The following DNAJC5B variants were observed in gnomAD, a reference collection of about 807,000 sequenced individuals.
DNAJC5B encodes DnaJ heat shock protein family (Hsp40) member C5 beta.
In DNAJC5B, 23 loss-of-function variants were observed where a neutral mutation model predicts 24.7. The observed-to-expected ratio is 0.93, with a 90% CI of 0.67 to 1.32. The LOEUF is 1.32. Among genes scored for constraint, DNAJC5B ranks in the 40% most tolerant of loss-of-function variants. The pLI, the probability that DNAJC5B is intolerant of heterozygous loss-of-function variation, is 0.00. For synonymous variants in DNAJC5B, 101 were observed against 90.1 expected (o/e 1.12, Z -0.68); for missense variants, 238 against 240.8 (o/e 0.99, Z 0.08).
chr8:66,059,354 C>G (rs1388171910), intron 3 of DNAJC5B, among the ~76,000 whole-genome samples: 4 of 152,184 alleles, frequency 2.6e-5, no homozygotes, highest in Non-Finnish European at 5.9e-5. Context: ...TTCAGATAGG[C>G]CTAGAAGAAG....
At chr8:66,063,702 A>G (rs1807131740) in intron 3 of DNAJC5B, among the ~76,000 whole-genome samples, 1 of 152,078 alleles carries the variant, frequency 6.6e-6, no homozygotes, top group Non-Finnish European at 1.5e-5. Context: ...TAACTTTTTC[A>G]CTCACTCATT....
chr8:66,026,936 T>C (rs888651255), intron 1 of DNAJC5B, among the ~76,000 whole-genome samples: 24 of 152,252 alleles, frequency 1.6e-4, no homozygotes, highest in African/African-American at 5.3e-4. Context: ...CTTTAATTTT[T>C]ATTGTATTTG....
chr8:66,053,631 C>CTT (rs1349312911), intron 3 of DNAJC5B, among the ~76,000 whole-genome samples: 16 of 141,140 alleles, frequency 1.1e-4, no homozygotes, highest in South Asian at 2.3e-4. Context: ...CTTCAACTAC[C>CTT]TTTTTTTTTT....
intron 3 of DNAJC5B, among the ~76,000 whole-genome samples, chr8:66,053,969 GA>G (rs1359280955): frequency 6.8e-6 from 1 of 146,696 alleles, no homozygotes; most frequent in Non-Finnish European, 1.5e-5. Context: ...GTCTTATCAT[GA>G]AAATATCTTG....
chr8:66,086,711 C>A (rs1487564644), intron 5 of DNAJC5B, among the ~76,000 whole-genome samples: 1 of 152,046 alleles, frequency 6.6e-6, no homozygotes, highest in African/African-American at 2.4e-5. Flanking sequence ...ATATTAATTA[C>A]CCATCTAAAT....
At chr8:66,074,623 A>G (rs1807421369) in intron 3 of DNAJC5B, among the ~76,000 whole-genome samples, 1 of 152,220 alleles carries the variant, frequency 6.6e-6, no homozygotes, top group Admixed American at 6.5e-5. Context: ...TGTAGAAATG[A>G]CAACAAATGC....
intron 3 of DNAJC5B, among the ~76,000 whole-genome samples, chr8:66,053,757 G>C (rs563536194): frequency 7.2e-5 from 11 of 152,070 alleles, no homozygotes; most frequent in Middle Eastern, 3.4e-3. Flanking sequence ...GGTCTCCCGA[G>C]TAGCTGGGAT....
chr8:66,073,566 A>G (rs1272637289), intron 3 of DNAJC5B, among the ~76,000 whole-genome samples: 1 of 152,056 alleles, frequency 6.6e-6, no homozygotes, highest in Non-Finnish European at 1.5e-5. Flanking sequence ...AATGTACAGG[A>G]CCCAGAATAA....
intron 5 of DNAJC5B, among the ~76,000 whole-genome samples, chr8:66,095,055 A>G (rs1258155426): frequency 1.3e-5 from 2 of 152,134 alleles, no homozygotes; most frequent in Non-Finnish European, 2.9e-5. Context: ...AGAGTGGTCT[A>G]TAATTTCCCT....
At chr8:66,035,964 T>A (rs958972579) in intron 1 of DNAJC5B, among the ~76,000 whole-genome samples, 1 of 152,240 alleles carries the variant, frequency 6.6e-6, no homozygotes, top group African/African-American at 2.4e-5. Context: ...TTGTGGGTCA[T>A]GCTTCATGCT....
chr8:66,084,250 A>G (rs1340138494), intron 5 of DNAJC5B, among the ~76,000 whole-genome samples: 2 of 152,112 alleles, frequency 1.3e-5, no homozygotes, highest in African/African-American at 4.8e-5. Context: ...AAAGAAGGGG[A>G]CTCACTTAAG....
chr8:66,028,083 C>A (rs998919842), intron 1 of DNAJC5B, among the ~76,000 whole-genome samples: 4 of 152,138 alleles, frequency 2.6e-5, no homozygotes, highest in Non-Finnish European at 2.9e-5. Context: ...GGGCTCAGAG[C>A]GAAGAAGCAG....
intron 1 of DNAJC5B, among the ~76,000 whole-genome samples, chr8:66,028,257 A>C (rs1301981222): frequency 6.6e-6 from 1 of 152,158 alleles, no homozygotes; most frequent in Non-Finnish European, 1.5e-5. Context: ...CTCTTCTCTT[A>C]CTCACCGGCG....
At chr8:66,086,452 T>G (rs1418159865) in intron 5 of DNAJC5B, among the ~76,000 whole-genome samples, 1 of 152,184 alleles carries the variant, frequency 6.6e-6, no homozygotes, top group Non-Finnish European at 1.5e-5. Context: ...GTACTATAAA[T>G]CAGGATTTCA....
At chr8:66,084,366 G>A (rs1160116130) in intron 5 of DNAJC5B, among the ~76,000 whole-genome samples, 1 of 152,132 alleles carries the variant, frequency 6.6e-6, no homozygotes, top group Non-Finnish European at 1.5e-5. Context: ...CCATTAGAAG[G>A]CACTGGTATG....
chr8:66,038,457 CA>C (rs1395008897), intron 1 of DNAJC5B, among the ~76,000 whole-genome samples: 1 of 152,142 alleles, frequency 6.6e-6, no homozygotes, highest in Non-Finnish European at 1.5e-5. Context: ...TTACCATCAC[CA>C]AACAAATAGG....
chr8:66,030,663 G>GTCTT (rs1294086275), intron 1 of DNAJC5B, among the ~76,000 whole-genome samples: 1 of 151,878 alleles, frequency 6.6e-6, no homozygotes, highest in Non-Finnish European at 1.5e-5. Context: ...CTGAGACAGT[G>GTCTT]TCTTGCTCTG....
At chr8:66,069,265 A>AAAAG (rs1807293641) in intron 3 of DNAJC5B, among the ~76,000 whole-genome samples, 1 of 152,084 alleles carries the variant, frequency 6.6e-6, no homozygotes, top group Non-Finnish European at 1.5e-5. Flanking sequence ...TGCTTCAATT[A>AAAAG]AAAGAAAAAA....
At chr8:66,022,047 T>C (rs973780661) in intron 1 of DNAJC5B, among the ~76,000 whole-genome samples, 2 of 152,188 alleles carry the variant, frequency 1.3e-5, no homozygotes, top group African/African-American at 4.8e-5. Context: ...AGTTGTATTA[T>C]GGGTTAGCAA....
Sources: gnomAD v4.1 joint callset for allele counts (sites outside exome capture counted in the v4.1 genomes callset) on GRCh38, gnomAD v4.1.1 for gene constraint, MANE v1.5 for transcripts, NCBI Gene and HGNC (gene_info 2026-07-23, HGNC 2026-07-21) for gene names.